PRKCA: variants seen among roughly 807,000 people sequenced by gnomAD.
The protein encoded by PRKCA is protein kinase C alpha.
Under a neutral mutation model 87.0 loss-of-function variants are expected in PRKCA, and 27 were observed. The ratio of observed to expected loss-of-function variants is 0.31; its 90% confidence interval spans 0.23 to 0.43. The LOEUF is 0.43. Ranked by LOEUF, PRKCA falls within the 20% of genes least tolerant of loss-of-function variation. The probability of loss-of-function intolerance (pLI) is 1.00; values close to 1 mark genes in which losing one functional copy is unlikely to be tolerated. For missense variants in PRKCA, 518 were observed against 852.3 expected, an observed-to-expected ratio of 0.61 and a Z score of 4.88; for synonymous variants, 329 against 311.1, an observed-to-expected ratio of 1.06 and a Z score of -0.61.
In PRKCA at chr17:66,571,353, A is replaced by C. The variant is rs140659519; in HGVS notation, c.289-70002A>C. Among the ~76,000 whole-genome samples, 716 of 152,352 alleles carry C rather than the reference A, an allele frequency of 4.7e-3. 5 individuals are homozygous for C. The highest frequency in any genetic ancestry group is 0.016 in the African/African-American group (649 of 41,584). ...TTGTTTTTTTTTAATCCATATTTCA[A>C]AAGTAATTCTTGTCGGTATATACAA... On this transcript the variant is annotated intron_variant, in intron 3 of 16. Transcript: ENST00000413366.
chr17:66,777,174 C>T, intron 14 of PRKCA: 1 of 983,454 alleles, frequency 1.0e-6, no homozygotes, highest in Non-Finnish European at 1.2e-6. Flanking sequence ...CTGCCCTGCC[C>T]ATGTCCGAAC....
intron 2 of PRKCA, among the ~76,000 whole-genome samples, chr17:66,336,670 A>AAAT (rs1906696014): frequency 6.6e-6 from 1 of 151,656 alleles, no homozygotes; most frequent in African/African-American, 2.4e-5. Context: ...CCTATATAGT[A>AAAT]AATTATTAAA....
At chr17:66,683,842 C>T (rs576197741) in intron 5 of PRKCA, among the ~76,000 whole-genome samples, 1 of 152,274 alleles carries the variant, frequency 6.6e-6, no homozygotes, top group East Asian at 1.9e-4. Flanking sequence ...TCATGTGATC[C>T]ACCTGCCTCA....
intron 2 of PRKCA, among the ~76,000 whole-genome samples, chr17:66,329,190 C>T (rs1253433959): frequency 6.6e-6 from 1 of 152,144 alleles, no homozygotes; most frequent in African/African-American, 2.4e-5. Context: ...GAGGAGAGAT[C>T]AGCTGGACAT....
Position 66,804,178 on chromosome 17 carries a change from C to A in PRKCA, c.*141C>A. 1.8e-6 allele frequency: 2 copies of A among 1,128,542 alleles called. No homozygotes were observed. The highest frequency in any genetic ancestry group is 2.4e-6 in the Non-Finnish European group (2 of 819,806). The allele number at this position is 1,128,542 out of a possible 1,614,324, so 69.9% of individuals were successfully genotyped here. On this transcript the variant is annotated 3_prime_UTR_variant, in exon 17 of 17. Coordinates refer to ENST00000413366, the MANE Select transcript of PRKCA (RefSeq NM_002737.3). ...CCTGAAAATTGTAGGGTTATTAGTCCAAATGTGATCAACTGTTCAGGGTCT... is the reference window on the plus strand; with the variant it reads ...CCTGAAAATTGTAGGGTTATTAGTCAAAATGTGATCAACTGTTCAGGGTCT...
At chr17:66,548,049 G>A (rs1257914480) in intron 3 of PRKCA, among the ~76,000 whole-genome samples, 1 of 152,174 alleles carries the variant, frequency 6.6e-6, no homozygotes, top group Non-Finnish European at 1.5e-5. Flanking sequence ...TTAAAGGGTT[G>A]TAGTGTTTTC....
At chr17:66,671,079 T>C (rs1972166315) in intron 5 of PRKCA, among the ~76,000 whole-genome samples, 1 of 149,128 alleles carries the variant, frequency 6.7e-6, no homozygotes, top group Non-Finnish European at 1.5e-5. Context: ...GGTGTGGTGG[T>C]GTGCGCCTGT....
intron 2 of PRKCA, among the ~76,000 whole-genome samples, chr17:66,306,658 T>C (rs1385536680): frequency 6.6e-6 from 1 of 152,210 alleles, no homozygotes; most frequent in African/African-American, 2.4e-5. Flanking sequence ...CTATGTAGCA[T>C]GCTTTCCTTT....
intron 3 of PRKCA, among the ~76,000 whole-genome samples, chr17:66,497,458 T>C (rs1007734688): frequency 1.3e-5 from 2 of 150,074 alleles, no homozygotes; most frequent in African/African-American, 4.9e-5. Context: ...ATCGCACCAC[T>C]GCACTCCAAC....
chr17:66,782,211 CT>C (rs1975254314), intron 14 of PRKCA, among the ~76,000 whole-genome samples: 1 of 151,558 alleles, frequency 6.6e-6, no homozygotes, highest in African/African-American at 2.4e-5. Context: ...CACACCCAGC[CT>C]GTGTTATATA....
At chr17:66,728,089 A>G (rs3889392) in intron 8 of PRKCA, among the ~76,000 whole-genome samples, 34,550 of 152,096 alleles carry the variant, frequency 0.23, 4,591 homozygotes, top group Middle Eastern at 0.33. Context: ...TCAGCATTGG[A>G]TGGCTCTGTG....
chr17:66,661,908 G>A (rs766433460), intron 5 of PRKCA, among the ~76,000 whole-genome samples: 3 of 152,164 alleles, frequency 2.0e-5, no homozygotes, highest in East Asian at 1.9e-4. Context: ...CTTCCCCTGC[G>A]GCAGCTTTTT....
At chr17:66,442,627 A>G (rs1233047361) in intron 2 of PRKCA, among the ~76,000 whole-genome samples, 3 of 152,030 alleles carry the variant, frequency 2.0e-5, no homozygotes, top group Non-Finnish European at 2.9e-5. Flanking sequence ...CTTTTTCTTC[A>G]TAGCCTCCAT....
intron 13 of PRKCA, among the ~76,000 whole-genome samples, chr17:66,765,919 T>C (rs896145378): frequency 1.3e-5 from 2 of 152,212 alleles, no homozygotes; most frequent in African/African-American, 4.8e-5. Flanking sequence ...GGTTGTGCCC[T>C]ATACCTGTAA....
chr17:66,348,544 A>G (rs77521464), intron 2 of PRKCA, among the ~76,000 whole-genome samples: 20,296 of 152,220 alleles, frequency 0.13, 1,629 homozygotes, highest in East Asian at 0.28. Context: ...CTTTGATTTA[A>G]GAGGTTAGAA....
At chr17:66,467,475 AAC>A (rs1042432543) in intron 2 of PRKCA, among the ~76,000 whole-genome samples, 1 of 152,300 alleles carries the variant, frequency 6.6e-6, no homozygotes, top group African/African-American at 2.4e-5. Flanking sequence ...TAGCTGGGCA[AAC>A]ACATTTTTTT....
At chr17:66,741,851 G>T (rs935455143) in intron 12 of PRKCA, 130 bp downstream of exon 12, 2 of 840,292 alleles carry the variant, frequency 2.4e-6, no homozygotes, top group Non-Finnish European at 3.6e-6. Flanking sequence ...AGACCTGCTG[G>T]GACCCACCTT....
In PRKCA at chr17:66,541,167, A is replaced by G. The variant is rs143920793; in HGVS notation, c.288+44884A>G. ...AGCTCTAGTAAGATAGTTTGAACAAAGATGTGACCATGAGGGGTTTTGTTT... is the reference window on the plus strand; with the variant it reads ...AGCTCTAGTAAGATAGTTTGAACAAGGATGTGACCATGAGGGGTTTTGTTT... On this transcript the variant is annotated intron_variant, in intron 3 of 16. Transcript: ENST00000413366. 1.5e-3 allele frequency among the ~76,000 whole-genome samples: 225 copies of G among 152,320 alleles called. 3 individuals are homozygous for G. The highest frequency in any genetic ancestry group is 3.7e-3 in the South Asian group (18 of 4,824).
intron 5 of PRKCA, among the ~76,000 whole-genome samples, chr17:66,681,696 G>A (rs148967561): frequency 3.6e-4 from 55 of 152,254 alleles, no homozygotes; most frequent in African/African-American, 1.3e-3. Flanking sequence ...ATAAGTGGCA[G>A]GGCAGAGATT....
Sources: gnomAD v4.1 joint callset for allele counts (sites outside exome capture counted in the v4.1 genomes callset) on GRCh38, gnomAD v4.1.1 for gene constraint, MANE v1.5 for transcripts, NCBI Gene and HGNC (gene_info 2026-07-23, HGNC 2026-07-21) for gene names.